The following NFS1 variants were observed in gnomAD, a reference collection of about 807,000 sequenced individuals.
NFS1 encodes the protein cysteine desulfurase.
A neutral mutation model predicts 57.3 loss-of-function variants in NFS1; 26 were observed. The observed-to-expected ratio is 0.45, with a 90% CI of 0.33 to 0.63. NFS1 has a LOEUF of 0.63. Among genes scored for constraint, NFS1 ranks in the 20% least tolerant of loss-of-function variants. NFS1 has a pLI of 0.02. For missense variants in NFS1, 505 were observed against 605.8 expected (o/e 0.83, Z 1.75); for synonymous variants, 209 against 216.3 (o/e 0.97, Z 0.30).
At chr20:35,690,380 AT>A in intron 5 of NFS1, 32 bp downstream of exon 5, 1 of 1,601,868 alleles carries the variant, frequency 6.2e-7, no homozygotes, top group Non-Finnish European at 8.5e-7. Context: ...AGGCTCCTCC[AT>A]TTTTGCTCCT....
chr20:35,697,907 G>A (rs1409842975), intron 2 of NFS1, 107 bp from the exon 3 acceptor site: 2 of 699,828 alleles, frequency 2.9e-6, no homozygotes, highest in Non-Finnish European at 5.0e-6. Flanking sequence ...CAACCCCTCA[G>A]GCACTGCCTA....
At position 35,699,314 on chromosome 20, in the gene NFS1, C is replaced by T. The variant is rs2035203870; in HGVS notation, c.-26G>A. The T allele has an allele frequency of 1.4e-6, 2 of 1,397,416 alleles. No homozygotes were observed. The highest frequency in any genetic ancestry group is 3.1e-5 in the South Asian group (2 of 64,718). 86.6% of individuals were successfully genotyped at this position (1,397,416 alleles called of 1,614,324 possible). A position where few individuals can be genotyped will look rare whatever the true frequency, so the allele number is the denominator to read the frequency against. ...GGTCCCGCTGGCAGAGCCCACCTTC[C>T]GAAGCCGCTGCAGTCCTGGGCCCCA... On this transcript the variant is annotated 5_prime_UTR_variant, in exon 1 of 13. Transcript: ENST00000374092. The surrounding 1 kb of genome is among the most constrained non-coding windows in gnomAD (Gnocchi z 4.4).
intron 7 of NFS1, among the ~76,000 whole-genome samples, chr20:35,678,324 C>T (rs934212959): frequency 1.3e-5 from 2 of 152,078 alleles, no homozygotes; most frequent in Non-Finnish European, 2.9e-5. Context: ...CACTGTACTC[C>T]AGGCTGGGTG....
At chr20:35,673,455 C>T (rs1157593573) in intron 11 of NFS1, 146 bp downstream of exon 11, 1 of 621,762 alleles carries the variant, frequency 1.6e-6, no homozygotes, top group East Asian at 2.9e-5. Context: ...AGAACCACTG[C>T]TCTAGAAACT....
Position 35,699,105 on chromosome 20 carries a change from T to C in NFS1, c.97+87A>G. The stretch of plus-strand genomic sequence containing the variant: ...GGGTCAGAGGGTCTGGGCAGCAGGG[T>C]GGACAGGAAGGCTCCGGAATATTCA... On this transcript the variant is annotated intron_variant, in intron 1 of 12. Coordinates refer to ENST00000374092, the MANE Select transcript of NFS1 (RefSeq NM_021100.5). This position sits in a 1 kb window ranked among gnomAD's most constrained non-coding sequence, Gnocchi z 4.4. 1 of 1,352,180 alleles carries C rather than the reference T, an allele frequency of 7.4e-7. No individual in the cohort carries two copies. Among genetic ancestry groups the C allele is most frequent in the Non-Finnish European group, 9.5e-7 (1 of 1,057,228 alleles). The allele number at this position is 1,352,180 out of a possible 1,614,324, so 83.8% of individuals were successfully genotyped here.
chr20:35,675,505 C>A, intron 7 of NFS1: 2 of 365,784 alleles, frequency 5.5e-6, no homozygotes, highest in East Asian at 6.2e-5. Flanking sequence ...ATACTGGGAA[C>A]AACTTAGATG....
chr20:35,690,241 A>G (rs2035019563), intron 5 of NFS1, among the ~76,000 whole-genome samples, 172 bp downstream of exon 5: 2 of 152,142 alleles, frequency 1.3e-5, no homozygotes, highest in African/African-American at 4.8e-5. Flanking sequence ...AAAGGAGGAC[A>G]GTACACACTC....
At chr20:35,691,028 T>C (rs1212696270) in intron 4 of NFS1, among the ~76,000 whole-genome samples, 1 of 152,156 alleles carries the variant, frequency 6.6e-6, no homozygotes, top group Non-Finnish European at 1.5e-5. Context: ...TGGAGGATGC[T>C]AATAATGGCA....
chr20:35,696,030 C>T (rs1293082379), intron 4 of NFS1, among the ~76,000 whole-genome samples: 1 of 150,272 alleles, frequency 6.7e-6, no homozygotes, highest in Non-Finnish European at 1.5e-5. Context: ...CAGAGTGAGA[C>T]TATGTATCAA....
intron 4 of NFS1, chr20:35,692,337 A>G (rs1361138540): frequency 8.6e-6 from 2 of 231,570 alleles, no homozygotes. Context: ...TCATGCCCCT[A>G]CACTCTAGCC....
At chr20:35,673,851 C>A in intron 10 of NFS1, 167 bp from the exon 11 acceptor site, 1 of 561,474 alleles carries the variant, frequency 1.8e-6, no homozygotes, top group South Asian at 2.1e-5. Context: ...CCCTGCACAT[C>A]CTAGGATGTG....
chr20:35,687,010 C>T (rs572117334), intron 5 of NFS1, among the ~76,000 whole-genome samples: 2 of 152,168 alleles, frequency 1.3e-5, no homozygotes, highest in East Asian at 1.9e-4. Context: ...TTCTGTTATG[C>T]GTGGACAGGG....
At chr20:35,687,379 A>G (rs747948697) in intron 5 of NFS1, among the ~76,000 whole-genome samples, 1 of 152,112 alleles carries the variant, frequency 6.6e-6, no homozygotes, top group Non-Finnish European at 1.5e-5. Context: ...GTCTCTGATA[A>G]GCAGAAATAA....
At chr20:35,682,910 C>A (rs565282750) in intron 5 of NFS1, 1 of 166,382 alleles carries the variant, frequency 6.0e-6, no homozygotes, top group Admixed American at 6.4e-5. Flanking sequence ...AACCCTGTCT[C>A]TACTAAAAAT....
rs975065926 is a variant in NFS1 at position 35,669,054 on chromosome 20, T to C, written c.*568A>G. On this transcript the variant is annotated 3_prime_UTR_variant, in exon 13 of 13. Coordinates refer to ENST00000374092, the MANE Select transcript of NFS1 (RefSeq NM_021100.5). ...AGAATAACTGGTGGAGTCACAGACA[T>C]ATTTCTAGCTCCATTAGGTCAAAGG... is the stretch of plus-strand genomic sequence containing the variant. The C allele has an allele frequency of 6.6e-6, 1 of 152,206 alleles. No homozygotes were observed. Among genetic ancestry groups the C allele is most frequent in the Non-Finnish European group, 1.5e-5 (1 of 68,038 alleles). The allele number at this position is 152,206 out of a possible 1,614,324, so 9.4% of individuals were successfully genotyped here. A position where few individuals can be genotyped will look rare whatever the true frequency, so the allele number is the denominator to read the frequency against.
chr20:35,693,060 T>A (rs1479986803), intron 4 of NFS1, among the ~76,000 whole-genome samples: 1 of 151,630 alleles, frequency 6.6e-6, no homozygotes, highest in Non-Finnish European at 1.5e-5. Context: ...GGGACTGGGG[T>A]CCTTGGGGAA....
intron 5 of NFS1, among the ~76,000 whole-genome samples, chr20:35,688,555 T>C (rs2034985454): frequency 6.6e-6 from 1 of 151,936 alleles, no homozygotes; most frequent in Non-Finnish European, 1.5e-5. Context: ...ATATTCCATC[T>C]CAAAAAACAA....
Position 35,675,201 on chromosome 20 carries a change from C to T in NFS1, c.792G>A (p.Gly264=). The T allele has an allele frequency of 6.3e-7, 1 of 1,587,298 alleles. No homozygotes were observed. The highest frequency in any genetic ancestry group is 8.6e-7 in the Non-Finnish European group (1 of 1,165,350). ...ISGHKIYGPK[G]VGAIYIRRRP... ...GGCGACGGATGTAGATGGCACCAAC[C>T]CCTGGGAAACAAAATTTGTTACAAA... Residue 264 remains glycine (G), a splice_region_variant and synonymous_variant, in exon 8 of 13, where the codon GGG becomes GGA. Transcript: ENST00000374092.
chr20:35,680,261 C>T (rs549803972), intron 7 of NFS1, among the ~76,000 whole-genome samples: 3 of 152,000 alleles, frequency 2.0e-5, no homozygotes, highest in Non-Finnish European at 2.9e-5. Flanking sequence ...ACCGAGATGG[C>T]GCCACTGCAC....
Sources: allele counts gnomAD v4.1 joint callset (sites outside exome capture counted in the v4.1 genomes callset), GRCh38; gene constraint gnomAD v4.1.1; non-coding constraint Gnocchi (gnomAD v3.1); transcripts MANE v1.5; gene names NCBI Gene and HGNC (gene_info 2026-07-23, HGNC 2026-07-21).